The following LITAF variants were observed in gnomAD, a reference collection of about 807,000 sequenced individuals.
LITAF encodes lipopolysaccharide-induced tumor necrosis factor-alpha factor.
A neutral mutation model predicts 14.5 loss-of-function variants in LITAF; 9 were observed. The observed-to-expected ratio is 0.62, with a 90% CI of 0.37 to 1.08. LITAF has a LOEUF of 1.08. Among genes scored for constraint, LITAF ranks in the 50% least tolerant of loss-of-function variants. The pLI is 0.01. For missense variants in LITAF, 206 were observed against 213.4 expected (o/e 0.97, Z 0.22); for synonymous variants, 98 against 88.2 (o/e 1.11, Z -0.62).
At chr16:11,581,564 A>G (rs1042996098) in intron 1 of LITAF, among the ~76,000 whole-genome samples, 4 of 152,086 alleles carry the variant, frequency 2.6e-5, no homozygotes, top group Non-Finnish European at 4.4e-5. Context: ...GGCTGCATGG[A>G]GCTGTGATCA....
At chr16:11,631,995 T>G (rs976845660) in intron 3 of LITAF, among the ~76,000 whole-genome samples, 1 of 151,884 alleles carries the variant, frequency 6.6e-6, no homozygotes, top group African/African-American at 2.4e-5. Context: ...GCCTCCTGAG[T>G]AGCTGGGATT....
chr16:11,593,072 G>A (rs994397158), intron 1 of LITAF, among the ~76,000 whole-genome samples: 14 of 152,182 alleles, frequency 9.2e-5, no homozygotes, highest in Non-Finnish European at 1.3e-4. Flanking sequence ...TCAGGAGGCT[G>A]AGGTAGGAGA....
intron 1 of LITAF, among the ~76,000 whole-genome samples, chr16:11,595,307 G>A (rs2141855941): frequency 6.6e-6 from 1 of 152,328 alleles, no homozygotes; most frequent in Admixed American, 6.5e-5. Flanking sequence ...CCCCAATTCT[G>A]GCTCAGTGGC....
At chr16:11,596,376 G>T (rs1490153577) in intron 1 of LITAF, among the ~76,000 whole-genome samples, 1 of 149,248 alleles carries the variant, frequency 6.7e-6, no homozygotes, top group African/African-American at 2.5e-5. Flanking sequence ...GGATTGTGCT[G>T]CATGACTGTG....
intron 3 of LITAF, among the ~76,000 whole-genome samples, chr16:11,621,617 A>G (rs534982754): frequency 6.6e-6 from 1 of 152,294 alleles, no homozygotes; most frequent in African/African-American, 2.4e-5. Context: ...TCAGAAGGGA[A>G]CATCCCAGCC....
upstream of LITAF, among the ~76,000 whole-genome samples, chr16:11,637,924 ATC>A (rs1273354913): frequency 9.7e-6 from 1 of 103,094 alleles, no homozygotes; most frequent in Non-Finnish European, 1.9e-5. Flanking sequence ...CTATATCTAT[ATC>A]TATATCTATA....
chr16:11,594,998 A>G (rs1381463179), intron 1 of LITAF, among the ~76,000 whole-genome samples: 1 of 152,166 alleles, frequency 6.6e-6, no homozygotes, highest in African/African-American at 2.4e-5. Flanking sequence ...GCTACTGTCC[A>G]TTTTCTAATG....
chr16:11,549,135 A>C lies in LITAF; in HGVS notation c.*502T>G. On this transcript the variant is annotated 3_prime_UTR_variant, in exon 4 of 4. Coordinates refer to ENST00000622633, the MANE Select transcript of LITAF (RefSeq NM_001136472.2). The surrounding 1 kb of genome is among the most constrained non-coding windows in gnomAD (Gnocchi z 4.6). ...CAGAATCTCAAAGCCAAGCCTGTAA[A>C]GTCTGTAAGGCAAGATCTTTGTCAT... The C allele has an allele frequency of 2.2e-6, 1 of 454,180 alleles. No individual in the cohort carries two copies. Among genetic ancestry groups the C allele is most frequent in the Non-Finnish European group, 4.4e-6 (1 of 226,804 alleles). The allele number at this position is 454,180 out of a possible 1,614,324, so 28.1% of individuals were successfully genotyped here.
chr16:11,553,528 C>T lies in LITAF; in HGVS notation c.377+5G>A, dbSNP rs2064215474. 6.2e-7 allele frequency: 1 copy of T among 1,613,852 alleles called. No individual in the cohort carries two copies. The stretch of plus-strand genomic sequence containing the variant: ...GGCTTGGGGCCAAGTGGGAGGCAGA[C>T]TCACCCCAGCAGGCACAGGCTCCCG... On this transcript the variant is annotated splice_donor_5th_base_variant and intron_variant, in intron 3 of 3. Transcript: ENST00000622633. The surrounding 1 kb of genome is among the most constrained non-coding windows in gnomAD (Gnocchi z 7.7).
intron 1 of LITAF, among the ~76,000 whole-genome samples, chr16:11,562,195 A>ACAG (rs2064378145): frequency 6.6e-6 from 1 of 151,564 alleles, no homozygotes; most frequent in South Asian, 2.1e-4. Flanking sequence ...TGCTGGGATT[A>ACAG]CAGGCATGAG....
chr16:11,551,694 T>A (rs762299505), intron 3 of LITAF: 1 of 649,654 alleles, frequency 1.5e-6, no homozygotes, highest in Admixed American at 2.6e-5. Flanking sequence ...TAGCTAGGTA[T>A]GGTGGCACAC....
intron 1 of LITAF, among the ~76,000 whole-genome samples, chr16:11,564,187 G>A (rs746306877): frequency 1.3e-5 from 2 of 152,106 alleles, no homozygotes; most frequent in Non-Finnish European, 2.9e-5. Flanking sequence ...TATGGTTACA[G>A]GTGTGAGCCA....
chr16:11,600,355 A>T (rs570718779), upstream of LITAF, among the ~76,000 whole-genome samples: 1 of 152,278 alleles, frequency 6.6e-6, no homozygotes, highest in Non-Finnish European at 1.5e-5. This position sits in a 1 kb window ranked among gnomAD's most constrained non-coding sequence, Gnocchi z 4.1. Flanking sequence ...CCCTGCTGGG[A>T]GGATAAAGCT....
At chr16:11,576,084 T>G (rs999588381) in intron 1 of LITAF, among the ~76,000 whole-genome samples, 1 of 152,168 alleles carries the variant, frequency 6.6e-6, no homozygotes, top group African/African-American at 2.4e-5. Flanking sequence ...AGACGGGGTC[T>G]CACTATGTTG....
Position 11,594,306 on chromosome 16 carries a change from ATT to A in LITAF, c.-6+4080_-6+4081del, listed in dbSNP as rs35496392. On this transcript the variant is annotated intron_variant, in intron 1 of 3. Coordinates refer to the LITAF transcript ENST00000571627. ...ACTTCATTACAACAACTGTATCCCA[ATT>A]TTTTTTTTAACATAAACCAGGCATC... 1.6e-3 allele frequency among the ~76,000 whole-genome samples: 239 copies of A among 150,972 alleles called. 2 individuals carry two copies. Among genetic ancestry groups the A allele is most frequent in the African/African-American group, 5.6e-3 (230 of 41,192 alleles).
chr16:11,596,742 G>C (rs2064891057), intron 1 of LITAF, among the ~76,000 whole-genome samples: 1 of 115,038 alleles, frequency 8.7e-6, no homozygotes, highest in Non-Finnish European at 1.8e-5. Context: ...AGGAGAAGGG[G>C]AGGAGGAAGA....
chr16:11,551,840 C>A, intron 3 of LITAF: 2 of 535,174 alleles, frequency 3.7e-6, no homozygotes, highest in Non-Finnish European at 6.6e-6. Context: ...TCAAACAAAA[C>A]AAAACAAGTT....
intron 2 of LITAF, among the ~76,000 whole-genome samples, chr16:11,555,330 A>C (rs1416129743): frequency 1.3e-5 from 2 of 152,190 alleles, no homozygotes; most frequent in African/African-American, 2.4e-5. Flanking sequence ...CACCCTGTTC[A>C]TACATTTTAT....
rs146883782 is a variant in LITAF at position 11,632,598 on chromosome 16, G to A, written c.85+935C>T. The stretch of plus-strand genomic sequence containing the variant: ...TTGGCCTGCGCTCCCTGGCACGTGG[G>A]ATCCCTTGGCCCCATCTGGAGGAAG... On this transcript the variant is annotated intron_variant, in intron 3 of 3. Transcript: ENST00000574848. The surrounding 1 kb of genome is among the most constrained non-coding windows in gnomAD (Gnocchi z 4.8). 1.3e-5 allele frequency among the ~76,000 whole-genome samples: 2 copies of A among 152,324 alleles called. No individual in the cohort carries two copies. Among genetic ancestry groups the A allele is most frequent in the Middle Eastern group, 3.4e-3 (1 of 294 alleles).
Sources: gnomAD v4.1 joint callset for allele counts (sites outside exome capture counted in the v4.1 genomes callset) on GRCh38, gnomAD v4.1.1 for gene constraint, Gnocchi (gnomAD v3.1) non-coding constraint, MANE v1.5 for transcripts, NCBI Gene and HGNC (gene_info 2026-07-23, HGNC 2026-07-21) for gene names.